The following FAM178B variants were observed in gnomAD, a reference collection of about 807,000 sequenced individuals.
FAM178B encodes family with sequence similarity 178 member B.
FAM178B carries 82 observed loss-of-function variants against 91.7 expected under a neutral mutation model. The ratio of observed to expected loss-of-function variants is 0.89; its 90% CI spans 0.75 to 1.07. The LOEUF is 1.07. Ranked by LOEUF, FAM178B falls within the 50% of genes least tolerant of loss-of-function variation. The pLI, the probability that FAM178B is intolerant of heterozygous loss-of-function variation, is 0.00. For synonymous variants in FAM178B, 368 were observed against 359.4 expected (o/e 1.02, Z -0.27); for missense variants, 769 against 846.7 (o/e 0.91, Z 1.14).
chr2:96,921,074 T>G lies in FAM178B; in HGVS notation c.1562+91A>C. The stretch of plus-strand genomic sequence containing the variant: ...GATTAGAAATTGGGCAGGGGAGGTT[T>G]GTTGGGGCTGATGGGGAGGACTCTG... On this transcript the variant is annotated intron_variant, in intron 12 of 16. Transcript: ENST00000490605. 3 of 1,051,144 alleles carry G rather than the reference T, an allele frequency of 2.9e-6. No homozygotes were observed. The South Asian group carries it at 4.1e-5, about 14-fold the overall frequency. The allele number at this position is 1,051,144 out of a possible 1,614,324, so 65.1% of individuals were successfully genotyped here.
At chr2:96,926,141 T>C (rs1206142925) in intron 9 of FAM178B, among the ~76,000 whole-genome samples, 1 of 151,938 alleles carries the variant, frequency 6.6e-6, no homozygotes, top group Non-Finnish European at 1.5e-5. Flanking sequence ...CCATCTCTAC[T>C]AAAAATACAA....
intron 13 of FAM178B, chr2:96,898,218 T>A (rs2080859410): frequency 1.3e-6 from 1 of 741,178 alleles, no homozygotes. Flanking sequence ...CTTGTCCTCC[T>A]GTCTGTGAAC....
chr2:96,876,018 G>A lies in FAM178B; in HGVS notation c.*258C>T, dbSNP rs1206596737. 2 of 542,502 alleles carry A rather than the reference G, an allele frequency of 3.7e-6. No homozygotes were observed. Among genetic ancestry groups the A allele is most frequent in the African/African-American group, 3.9e-5 (2 of 51,934 alleles). 33.6% of individuals were successfully genotyped at this position (542,502 alleles called of 1,614,324 possible). A position where few individuals can be genotyped will look rare whatever the true frequency, so the allele number is the denominator to read the frequency against. On this transcript the variant is annotated 3_prime_UTR_variant, in exon 17 of 17. Coordinates refer to ENST00000490605, the MANE Select transcript of FAM178B (RefSeq NM_001122646.3). ...ACAGAGGCCTTAGGGAAGAGGAGAT[G>A]GCTGGGAGGAGGGCTGAGGGGTGGG...
intron 8 of FAM178B, among the ~76,000 whole-genome samples, chr2:96,931,442 T>C (rs1347454534): frequency 6.6e-6 from 1 of 152,100 alleles, no homozygotes; most frequent in Non-Finnish European, 1.5e-5. Flanking sequence ...CAGGTGTTAC[T>C]TGGAGGTGGT....
At chr2:96,953,574 A>T (rs1205531654) in intron 6 of FAM178B, among the ~76,000 whole-genome samples, 1 of 152,230 alleles carries the variant, frequency 6.6e-6, no homozygotes, top group Non-Finnish European at 1.5e-5. Context: ...TTTCTGCCAG[A>T]GAAATGATTG....
rs1327672696 is a variant in FAM178B at position 96,921,160 on chromosome 2, C to T, written c.1562+5G>A. On this transcript the variant is annotated splice_donor_5th_base_variant and intron_variant, in intron 12 of 16. Coordinates refer to ENST00000490605, the MANE Select transcript of FAM178B (RefSeq NM_001122646.3). ...GGGAGGAGGCAGCGGGGGAGCAGCA[C>T]GCACCTGCTCCGGGAGGTCATGTCT... 1.4e-5 allele frequency: 21 copies of T among 1,548,052 alleles called. No homozygotes were observed. Among genetic ancestry groups the T allele is most frequent in the Non-Finnish European group, 1.7e-5 (19 of 1,143,984 alleles).
chr2:96,945,801 T>G (rs1161315160), intron 8 of FAM178B, among the ~76,000 whole-genome samples: 1 of 152,252 alleles, frequency 6.6e-6, no homozygotes, highest in East Asian at 1.9e-4. Flanking sequence ...CTGGCCCTTT[T>G]GCTCTTGACC....
rs2080289566 is a variant in FAM178B at position 96,878,029 on chromosome 2, A to G, written c.1868T>C (p.Leu623Pro). Residue 623 changes from leucine to proline, a missense_variant, in exon 16 of 17, where the codon CTG (leucine) becomes CCG (proline). By Grantham distance (98) the Leu-to-Pro change is moderately conservative (BLOSUM62 -3). Transcript: ENST00000490605. ...GTGGCGGTCCAACTGCATGCACAGC[A>G]GCTGCAGCTCGCCCTGTGGAGGCGG... is the stretch of plus-strand genomic sequence containing the variant. The part of the protein sequence containing the change: ...ITPDQWGELQ[L>P]LCMQLDRHIS... 1 of 1,610,450 alleles carries G rather than the reference A, an allele frequency of 6.2e-7. No individual in the cohort carries two copies. The highest frequency in any genetic ancestry group is 1.7e-5 in the Admixed American group (1 of 60,012).
chr2:96,895,864 G>A lies in FAM178B; in HGVS notation c.1651-1813C>T, dbSNP rs889299743. 4.6e-5 allele frequency among the ~76,000 whole-genome samples: 7 copies of A among 152,200 alleles called. 1 individual carries two copies. Among genetic ancestry groups the A allele is most frequent in the Non-Finnish European group, 8.8e-5 (6 of 68,028 alleles). On this transcript the variant is annotated intron_variant, in intron 13 of 16. Transcript: ENST00000490605. ...TCAGCACATCAGCCGGTTATGGGCT[G>A]AGACAGCCCACAAGAGCAGCTGGGC...
chr2:96,915,643 T>G (rs2081229121), intron 12 of FAM178B, among the ~76,000 whole-genome samples: 1 of 151,418 alleles, frequency 6.6e-6, no homozygotes. Context: ...TGGAGAAACC[T>G]CGTCTCTACT....
At chr2:96,914,654 C>A (rs1193121639) in intron 12 of FAM178B, among the ~76,000 whole-genome samples, 1 of 152,156 alleles carries the variant, frequency 6.6e-6, no homozygotes, top group African/African-American at 2.4e-5. Context: ...TTTGGGAAGC[C>A]AAGGTGGGAG....
intron 14 of FAM178B, among the ~76,000 whole-genome samples, chr2:96,886,570 G>A (rs1004633765): frequency 5.9e-5 from 9 of 152,200 alleles, no homozygotes; most frequent in African/African-American, 2.2e-4. Flanking sequence ...TTTTGACACT[G>A]TTTAGCCCTT....
chr2:96,974,569 A>C (rs1415701302), intron 1 of FAM178B, among the ~76,000 whole-genome samples: 1 of 152,164 alleles, frequency 6.6e-6, no homozygotes, highest in Non-Finnish European at 1.5e-5. Context: ...TCCAATCAAA[A>C]GACAGAGATT....
chr2:96,985,406 G>T (rs865899344), intron 1 of FAM178B, among the ~76,000 whole-genome samples: 1 of 152,028 alleles, frequency 6.6e-6, no homozygotes, highest in Admixed American at 6.5e-5. Flanking sequence ...TTGTCTCCCC[G>T]AATCCTGCAA....
intron 1 of FAM178B, among the ~76,000 whole-genome samples, chr2:96,973,042 A>C (rs2082244659): frequency 6.6e-6 from 1 of 151,788 alleles, no homozygotes; most frequent in Non-Finnish European, 1.5e-5. Context: ...GTCTCTAGTA[A>C]AATAAAAATA....
chr2:96,908,299 C>T (rs1490398941), intron 12 of FAM178B, among the ~76,000 whole-genome samples: 1 of 152,216 alleles, frequency 6.6e-6, no homozygotes, highest in Non-Finnish European at 1.5e-5. Context: ...CTATATATAA[C>T]CACGCACATT....
intron 1 of FAM178B, among the ~76,000 whole-genome samples, chr2:96,973,095 C>T (rs2082245389): frequency 6.6e-6 from 1 of 151,370 alleles, no homozygotes; most frequent in South Asian, 2.1e-4. Context: ...TTAGTCTCAG[C>T]TACTCGGGAG....
At chr2:96,937,508 G>A (rs1419584793) in intron 8 of FAM178B, among the ~76,000 whole-genome samples, 3 of 152,158 alleles carry the variant, frequency 2.0e-5, no homozygotes, top group Admixed American at 6.5e-5. Flanking sequence ...CCAACTGCCC[G>A]TGGCTCAGTA....
intron 12 of FAM178B, among the ~76,000 whole-genome samples, chr2:96,910,020 T>C (rs1182244987): frequency 1.3e-5 from 2 of 152,172 alleles, no homozygotes; most frequent in Non-Finnish European, 2.9e-5. Flanking sequence ...ACCCAGCCTA[T>C]GGTGACAGCC....
Sources: allele counts gnomAD v4.1 joint callset (sites outside exome capture counted in the v4.1 genomes callset), GRCh38; gene constraint gnomAD v4.1.1; transcripts MANE v1.5; gene names NCBI Gene and HGNC (gene_info 2026-07-23, HGNC 2026-07-21).